Variants in FBLN5 observed in about 807,000 individuals in gnomAD.
FBLN5 encodes fibulin 5.
A neutral mutation model predicts 61.6 loss-of-function variants in FBLN5; 24 were observed. That is an observed-to-expected ratio of 0.39 (90% CI 0.28 to 0.55). The LOEUF (loss-of-function observed/expected upper bound fraction) is 0.55. Among genes scored for constraint, FBLN5 ranks in the 20% least tolerant of loss-of-function variants. The probability of loss-of-function intolerance (pLI) is 0.65; values close to 1 mark genes in which losing one functional copy is unlikely to be tolerated. For synonymous variants in FBLN5, 213 were observed against 219.8 expected (o/e 0.97, Z 0.27); for missense variants, 470 against 594.1 (o/e 0.79, Z 2.17).
intron 4 of FBLN5, among the ~76,000 whole-genome samples, chr14:91,932,426 C>T (rs1456389860): frequency 6.6e-6 from 1 of 152,202 alleles, no homozygotes; most frequent in Non-Finnish European, 1.5e-5. Flanking sequence ...CACCCAGGTG[C>T]TGAGCCCGGC....
rs1033949999 is a variant in FBLN5, at chr14:91,936,480, C to T, written c.379+467G>A. On this transcript the variant is annotated intron_variant, in intron 4 of 10. Transcript: ENST00000342058. ...TAATTTTCTTTCCAGAACAGTTGGC[C>T]GTGCCCTTCAAGGCTTCTTGTATTG... Among the ~76,000 whole-genome samples the T allele has an allele frequency of 3.3e-5, 5 of 152,268 alleles. No homozygotes were observed. The South Asian group carries it at 6.2e-4, about 19-fold the overall frequency.
At position 91,906,295 on chromosome 14, in the gene FBLN5, C is replaced by T. The variant is rs114533169; in HGVS notation, c.380-11223G>A. 3.9e-3 allele frequency among the ~76,000 whole-genome samples: 592 copies of T among 152,284 alleles called. 3 individuals carry two copies. The highest frequency in any genetic ancestry group is 0.013 in the African/African-American group (546 of 41,556). ...CTTCCTGCTCCTCATCTCTAGGAGA[C>T]GACCCCAGAGTAGCAGAAAATAGTG... On this transcript the variant is annotated intron_variant, in intron 4 of 10. Transcript: ENST00000342058.
chr14:91,890,984 C>T (rs1445656116), intron 6 of FBLN5, among the ~76,000 whole-genome samples: 1 of 152,168 alleles, frequency 6.6e-6, no homozygotes, highest in African/African-American at 2.4e-5. Context: ...CTGTACACTC[C>T]CAGCCAGTGG....
At chr14:91,915,427 T>G (rs929287421) in intron 4 of FBLN5, among the ~76,000 whole-genome samples, 10 of 152,100 alleles carry the variant, frequency 6.6e-5, no homozygotes, top group African/African-American at 2.2e-4. Flanking sequence ...GGCTCACGCC[T>G]GTAATCCCAG....
At chr14:91,946,666 A>G in intron 1 of FBLN5, 1 of 1,436,898 alleles carries the variant, frequency 7.0e-7, no homozygotes, top group Non-Finnish European at 9.5e-7. Context: ...GGATTACTTA[A>G]CTGTAATTGC....
intron 4 of FBLN5, among the ~76,000 whole-genome samples, chr14:91,918,947 A>G (rs2055675940): frequency 6.6e-6 from 1 of 152,200 alleles, no homozygotes; most frequent in South Asian, 2.1e-4. Flanking sequence ...CTCAGAGAAG[A>G]GGAGGTTCCA....
intron 4 of FBLN5, among the ~76,000 whole-genome samples, chr14:91,898,200 G>GT (rs1012843673): frequency 1.3e-4 from 19 of 151,186 alleles, no homozygotes; most frequent in African/African-American, 3.2e-4. Context: ...AGTCCCTGAA[G>GT]TTTTTTTTGG....
chr14:91,926,951 C>T lies in FBLN5; in HGVS notation c.379+9996G>A, dbSNP rs77010044. Among the ~76,000 whole-genome samples the T allele has an allele frequency of 5.0e-3, 763 of 152,264 alleles. 13 individuals are homozygous for T. Among genetic ancestry groups the T allele is most frequent in the African/African-American group, 0.017 (706 of 41,536 alleles). ...CTCAAAGGATTTAAAGGCTTTGTAA[C>T]GGTGCAGTGATAGGATTCGAACCCA... is the stretch of plus-strand genomic sequence containing the variant. On this transcript the variant is annotated intron_variant, in intron 4 of 10. Transcript: ENST00000342058.
At chr14:91,939,631 C>T (rs749276970) in intron 3 of FBLN5, among the ~76,000 whole-genome samples, 10 of 152,116 alleles carry the variant, frequency 6.6e-5, no homozygotes, top group East Asian at 3.9e-4. Flanking sequence ...CGTGAGCCAC[C>T]GCACCCGGCC....
intron 4 of FBLN5, among the ~76,000 whole-genome samples, chr14:91,931,015 G>A (rs1002252527): frequency 7.2e-5 from 11 of 152,148 alleles, no homozygotes; most frequent in Non-Finnish European, 1.5e-4. Flanking sequence ...CCCAGTTAAC[G>A]TTTACTATGG....
chr14:91,881,466 G>C (rs1027718416), intron 8 of FBLN5, 48 bp from the exon 9 acceptor site: 2 of 1,611,566 alleles, frequency 1.2e-6, no homozygotes, highest in African/African-American at 2.7e-5. Context: ...TTATTGGCCA[G>C]GCCAGACGCG....
Position 91,937,005 on chromosome 14 carries a change from G to A in FBLN5, c.321C>T (p.Ile107=), listed in dbSNP as rs374552430. ...CAAAGCGGCATATAAGAGGCCTGGA[G>A]ATCGTGGGATAGTTTGGAGCTGAGA... ...PPLSAPNYPT[I]SRPLICRFGY... is the part of the protein sequence containing the mutation. Residue 107 remains isoleucine, a synonymous_variant, in exon 4 of 11, where the codon ATC becomes ATT. Transcript: ENST00000342058. The A allele has an allele frequency of 6.2e-6, 10 of 1,614,194 alleles. No homozygotes were observed. The African/African-American group carries it at 1.3e-4, about 22-fold the overall frequency.
chr14:91,878,471 AG>A (rs1433190864), intron 9 of FBLN5, among the ~76,000 whole-genome samples: 1 of 151,992 alleles, frequency 6.6e-6, no homozygotes, highest in African/African-American at 2.4e-5. Flanking sequence ...GACTCCACCT[AG>A]GGGCCAGGGT....
intron 9 of FBLN5, among the ~76,000 whole-genome samples, chr14:91,878,738 T>C (rs1203605491): frequency 2.0e-5 from 3 of 152,222 alleles, no homozygotes; most frequent in African/African-American, 7.2e-5. Flanking sequence ...CCAGCCCAAG[T>C]GTCATTTTTC....
rs374975981 is a variant in FBLN5, at chr14:91,947,683, C to G, written c.-454G>C. 125 of 156,914 alleles carry G rather than the reference C, an allele frequency of 8.0e-4. 2 individuals are homozygous for G. In the East Asian group the frequency reaches 0.017, roughly 21 times the overall value. 9.7% of individuals were successfully genotyped at this position (156,914 alleles called of 1,614,324 possible). On this transcript the variant is annotated 5_prime_UTR_variant, in exon 1 of 11. Transcript: ENST00000342058. This position sits in a 1 kb window ranked among gnomAD's most constrained non-coding sequence, Gnocchi z 4.3. ...CCGGCCGCGCTCGGCTGCGAGCGCC[C>G]GGGCAGAAGGCGAGGGGCGGGCGCG...
At chr14:91,903,229 A>G (rs1890533998) in intron 4 of FBLN5, among the ~76,000 whole-genome samples, 1 of 152,316 alleles carries the variant, frequency 6.6e-6, no homozygotes, top group Non-Finnish European at 1.5e-5. Context: ...TAGCCAAAAC[A>G]GAATGCTTTT....
chr14:91,894,823 C>T, intron 5 of FBLN5, 127 bp downstream of exon 5: 7 of 415,080 alleles, frequency 1.7e-5, no homozygotes, highest in Non-Finnish European at 2.4e-5. Flanking sequence ...AGCCTTCCAC[C>T]CCTCCCGCCC....
chr14:91,896,053 C>T (rs1890211658), intron 4 of FBLN5, among the ~76,000 whole-genome samples: 1 of 152,116 alleles, frequency 6.6e-6, no homozygotes, highest in Non-Finnish European at 1.5e-5. Context: ...CTTAGAGCTT[C>T]AGAGCACAGA....
chr14:91,940,763 C>T, intron 2 of FBLN5, 147 bp from the exon 3 acceptor site: 1 of 717,168 alleles, frequency 1.4e-6, no homozygotes, highest in Non-Finnish European at 2.5e-6. Context: ...ATTTGTTCTT[C>T]TAAAATTTTT....
Sources: allele counts gnomAD v4.1 joint callset (sites outside exome capture counted in the v4.1 genomes callset), GRCh38; gene constraint gnomAD v4.1.1; non-coding constraint Gnocchi (gnomAD v3.1); transcripts MANE v1.5; gene names NCBI Gene and HGNC (gene_info 2026-07-23, HGNC 2026-07-21).